Variants in ARHGAP28 observed in about 807,000 individuals in gnomAD.
ARHGAP28 encodes the protein Rho GTPase activating protein 28, also known as rho GTPase-activating protein 28.
Under a neutral mutation model 90.7 loss-of-function variants are expected in ARHGAP28, and 56 were observed. The ratio of observed to expected loss-of-function variants is 0.62; its 90% CI spans 0.50 to 0.77. The LOEUF (loss-of-function observed/expected upper bound fraction) is 0.77, where lower values mean the gene tolerates loss of function less well. ARHGAP28 is among the 30% of genes least tolerant of loss of function. The pLI is 0.00. For synonymous variants in ARHGAP28, 308 were observed against 323.3 expected (o/e 0.95, Z 0.51); for missense variants, 869 against 900.9 (o/e 0.96, Z 0.45).
At chr18:6,821,404 T>C (rs117949083) in intron 1 of ARHGAP28, among the ~76,000 whole-genome samples, 133 of 152,324 alleles carry the variant, frequency 8.7e-4, no homozygotes, top group Middle Eastern at 3.4e-3. Flanking sequence ...TTCCTGGTAT[T>C]GTTTGGAAAT....
chr18:6,838,066 C>T (rs1428460620), intron 3 of ARHGAP28, among the ~76,000 whole-genome samples: 5 of 152,162 alleles, frequency 3.3e-5, no homozygotes, highest in Admixed American at 3.3e-4. Context: ...TGTCTTATAG[C>T]TTACTTGTTC....
rs1567945676 is a variant in ARHGAP28, at chr18:6,782,584, A to ATT, written c.123-42174_123-42173dup. 1.9e-3 allele frequency among the ~76,000 whole-genome samples: 139 copies of ATT among 71,286 alleles called. 1 individual carries two copies. Among genetic ancestry groups the ATT allele is most frequent in the African/African-American group, 5.8e-3 (131 of 22,692 alleles). 46.8% of individuals were successfully genotyped at this position (71,286 alleles called of 152,430 possible). On this transcript the variant is annotated intron_variant, in intron 1 of 17. Coordinates refer to ENST00000383472, the MANE Select transcript of ARHGAP28 (RefSeq NM_001366230.1). The stretch of plus-strand genomic sequence containing the variant: ...AGGCACCTGCCATCACGCCCAGCTA[A>ATT]TTTTTGTATTTTTTTTTTTTTTTTT...
chr18:6,836,506 G>T (rs889434873), intron 2 of ARHGAP28, among the ~76,000 whole-genome samples: 9 of 152,130 alleles, frequency 5.9e-5, no homozygotes, highest in African/African-American at 1.7e-4. Flanking sequence ...GTGTGGGTTG[G>T]TGGGATGAGT....
At chr18:6,841,208 C>CTCT (rs1555631529) in intron 3 of ARHGAP28, among the ~76,000 whole-genome samples, 540 of 42,928 alleles carry the variant, frequency 0.013, 25 homozygotes, top group South Asian at 0.019. Flanking sequence ...TCTCTCCTCT[C>CTCT]CTCTCTCTCT....
chr18:6,737,926 A>G (rs2055942711), intron 1 of ARHGAP28, among the ~76,000 whole-genome samples: 1 of 152,240 alleles, frequency 6.6e-6, no homozygotes, highest in Non-Finnish European at 1.5e-5. Context: ...TAAACTGTCC[A>G]TTTGACAGGC....
chr18:6,780,412 G>A (rs1469992463), intron 1 of ARHGAP28, among the ~76,000 whole-genome samples: 2 of 152,204 alleles, frequency 1.3e-5, no homozygotes, highest in Non-Finnish European at 2.9e-5. Context: ...ACGTGATCTA[G>A]AGATGACTTA....
chr18:6,770,647 T>C (rs1027701684), intron 1 of ARHGAP28, among the ~76,000 whole-genome samples: 12 of 152,296 alleles, frequency 7.9e-5, no homozygotes, highest in African/African-American at 2.2e-4. Context: ...AGAGGCTACT[T>C]GTAAGGTGAG....
intron 16 of ARHGAP28, among the ~76,000 whole-genome samples, chr18:6,902,062 C>T (rs374055779): frequency 1.6e-4 from 24 of 152,254 alleles, no homozygotes; most frequent in African/African-American, 5.5e-4. Flanking sequence ...TCTTTAATTA[C>T]ATCTGCAAAT....
chr18:6,890,047 A>G lies in ARHGAP28; in HGVS notation c.1696A>G (p.Ile566Val). ...GTTAGCAAACACTGCGGCCCACATCATCCGCCTAATGCTTAAGTACCAGAA... is the reference window on the plus strand; with the variant it reads ...GTTAGCAAACACTGCGGCCCACATCGTCCGCCTAATGCTTAAGTACCAGAA... ...LLLANTAAHI[I>V]RLMLKYQKIL... Residue 566 changes from isoleucine to valine, a missense_variant, in exon 13 of 18, where the codon ATC (isoleucine) becomes GTC (valine). Ile to Val is a conservative substitution (Grantham distance 29). Transcript: ENST00000383472. The G allele has an allele frequency of 6.2e-7, 1 of 1,614,186 alleles. No individual in the cohort carries two copies. Among genetic ancestry groups the G allele is most frequent in the African/African-American group, 1.3e-5 (1 of 75,048 alleles).
At chr18:6,859,978 G>A in intron 5 of ARHGAP28, 81 bp downstream of exon 5, 3 of 1,241,128 alleles carry the variant, frequency 2.4e-6, no homozygotes, top group East Asian at 2.4e-5. Context: ...GTAAGAAGAA[G>A]CAATTCTTTA....
chr18:6,867,301 T>C (rs911739122), intron 5 of ARHGAP28, among the ~76,000 whole-genome samples: 1 of 152,096 alleles, frequency 6.6e-6, no homozygotes, highest in Non-Finnish European at 1.5e-5. Flanking sequence ...TAAAGAAATA[T>C]GAGAATAAAA....
chr18:6,795,935 G>A (rs9303989), intron 1 of ARHGAP28, among the ~76,000 whole-genome samples: 38,159 of 152,158 alleles, frequency 0.25, 6,566 homozygotes, highest in African/African-American at 0.49. Flanking sequence ...TGCATTTCAT[G>A]TGTAACATTG....
chr18:6,784,526 C>T (rs2056351542), intron 1 of ARHGAP28, among the ~76,000 whole-genome samples: 1 of 152,210 alleles, frequency 6.6e-6, no homozygotes, highest in Admixed American at 6.5e-5. Context: ...TACCTCTTTC[C>T]TTATTTATTC....
At chr18:6,760,362 T>C (rs1600159194) in intron 1 of ARHGAP28, among the ~76,000 whole-genome samples, 1 of 152,244 alleles carries the variant, frequency 6.6e-6, no homozygotes, top group East Asian at 1.9e-4. Context: ...ACAATCCCCA[T>C]CACACCAAGA....
intron 6 of ARHGAP28, among the ~76,000 whole-genome samples, chr18:6,869,250 A>ATTTTTTTTTTTTTTTTTTTTTTTTTTTTT (rs2057062449): frequency 1.9e-5 from 2 of 103,812 alleles, no homozygotes; most frequent in Non-Finnish European, 2.0e-5. Context: ...TCCTTTTGCC[A>ATTTTTTTTTTTTTTTTTTTTTTTTTTTTT]TTCTTTTTTT....
intron 17 of ARHGAP28, among the ~76,000 whole-genome samples, chr18:6,911,076 C>T (rs531277720): frequency 3.3e-5 from 5 of 152,156 alleles, no homozygotes; most frequent in Admixed American, 1.3e-4. Context: ...CCTTGTGATC[C>T]GCCCACCTCG....
chr18:6,801,039 G>T (rs1365850339), intron 1 of ARHGAP28, among the ~76,000 whole-genome samples: 2 of 152,178 alleles, frequency 1.3e-5, no homozygotes, highest in African/African-American at 2.4e-5. Flanking sequence ...GATCGTGCTT[G>T]TTGTGTCCTA....
chr18:6,892,453 G>A (rs1339774387), intron 14 of ARHGAP28, among the ~76,000 whole-genome samples: 1 of 152,160 alleles, frequency 6.6e-6, no homozygotes, highest in Non-Finnish European at 1.5e-5. Flanking sequence ...CACCCAGCCT[G>A]AAGACTTTTT....
At chr18:6,809,277 CAT>C (rs1176568715) in intron 1 of ARHGAP28, among the ~76,000 whole-genome samples, 4 of 152,094 alleles carry the variant, frequency 2.6e-5, no homozygotes, top group African/African-American at 9.7e-5. Context: ...CCATTGCTGT[CAT>C]AGTTGGAAAT....
Sources: allele counts gnomAD v4.1 joint callset (sites outside exome capture counted in the v4.1 genomes callset), GRCh38; gene constraint gnomAD v4.1.1; transcripts MANE v1.5; gene names NCBI Gene and HGNC (gene_info 2026-07-23, HGNC 2026-07-21).